Variants in PRLR observed in about 807,000 individuals in gnomAD.
PRLR encodes the protein prolactin receptor, also known as hPRL receptor.
A neutral mutation model predicts 40.2 loss-of-function variants in PRLR; 13 were observed. That is an observed-to-expected ratio of 0.32 (90% CI 0.21 to 0.51). The LOEUF (loss-of-function observed/expected upper bound fraction) is 0.51. Among genes scored for constraint, PRLR ranks in the 20% least tolerant of loss-of-function variants. PRLR has a pLI of 0.97. For missense variants in PRLR, 656 were observed against 747.3 expected (o/e 0.88, Z 1.42); for synonymous variants, 269 against 278.7 (o/e 0.97, Z 0.35).
chr5:35,216,848 T>G (rs538813113), intron 1 of PRLR, among the ~76,000 whole-genome samples: 1 of 152,328 alleles, frequency 6.6e-6, no homozygotes, highest in African/African-American at 2.4e-5. Flanking sequence ...TGTTAGGCAC[T>G]GGGGCAGGGT....
chr5:35,064,217 T>C lies in PRLR; in HGVS notation c.*872A>G, dbSNP rs1769209915. On this transcript the variant is annotated 3_prime_UTR_variant, in exon 10 of 10. Coordinates refer to ENST00000618457, the MANE Select transcript of PRLR (RefSeq NM_000949.7). ...TTAAACTTATGGGTTTATATTAAAG[T>C]AGAATTTGTATGTACAGTAAGGCAG... The C allele has an allele frequency of 6.6e-6, 1 of 152,222 alleles. No homozygotes were observed. Among genetic ancestry groups the C allele is most frequent in the Non-Finnish European group, 1.5e-5 (1 of 68,038 alleles). The allele number at this position is 152,222 out of a possible 1,614,324, so 9.4% of individuals were successfully genotyped here.
At chr5:35,129,819 G>A (rs1250501319) in intron 1 of PRLR, among the ~76,000 whole-genome samples, 5 of 152,030 alleles carry the variant, frequency 3.3e-5, no homozygotes, top group African/African-American at 4.8e-5. Context: ...GTGGGCACAA[G>A]GCATGGATTC....
At chr5:35,216,976 A>C (rs1256020378) in intron 1 of PRLR, among the ~76,000 whole-genome samples, 1 of 152,192 alleles carries the variant, frequency 6.6e-6, no homozygotes, top group African/African-American at 2.4e-5. Context: ...TAATGTCATG[A>C]GTGTAGTAAG....
In PRLR at chr5:35,084,601, C is replaced by T. The variant is rs1256077299; in HGVS notation, c.242G>A (p.Gly81Asp). 3 of 1,610,624 alleles carry T rather than the reference C, an allele frequency of 1.9e-6. No individual in the cohort carries two copies. The highest frequency in any genetic ancestry group is 2.5e-6 in the Non-Finnish European group (3 of 1,178,678). The change falls in exon 5 of 10, where the codon GGT (glycine) becomes GAT (aspartate). Residue 81 changes from glycine (G) to aspartate (D), a missense_variant. Coordinates refer to ENST00000618457, the MANE Select transcript of PRLR (RefSeq NM_000949.7). ...GCCAAAGTGGCAGGAGTTGGGGCCA[C>T]CGGTTATGTAGTCTGGACATTCATG... ...LMHECPDYIT[G>D]GPNSCHFGKQ...
chr5:35,091,048 G>A (rs572310767), intron 2 of PRLR, among the ~76,000 whole-genome samples: 6 of 152,072 alleles, frequency 3.9e-5, no homozygotes, highest in East Asian at 1.9e-4. Flanking sequence ...TCCTGAACTC[G>A]TGATCCACCT....
At chr5:35,205,634 T>A (rs1775996949) in intron 1 of PRLR, among the ~76,000 whole-genome samples, 1 of 152,042 alleles carries the variant, frequency 6.6e-6, no homozygotes, top group Non-Finnish European at 1.5e-5. Context: ...ATCTAGCAAG[T>A]AAGGACTATG....
rs755466887 is a variant in PRLR, at chr5:35,065,829, G to T, written c.1129C>A (p.Pro377Thr). ...PQANPSTFYD[P>T]EVIEKPENPE... The stretch of plus-strand genomic sequence containing the variant: ...TTCTCTGGCTTCTCAATGACCTCAG[G>T]ATCATAGAATGTGGAGGGATTGGCC... Residue 377 changes from proline to threonine, a missense_variant, in exon 10 of 10, where the codon CCT becomes ACT. Transcript: ENST00000618457. 28 of 1,614,016 alleles carry T rather than the reference G, an allele frequency of 1.7e-5. No homozygotes were observed. The highest frequency in any genetic ancestry group is 2.2e-5 in the Non-Finnish European group (26 of 1,180,026).
intron 5 of PRLR, among the ~76,000 whole-genome samples, chr5:35,074,807 A>G (rs984203364): frequency 2.0e-5 from 3 of 152,126 alleles, no homozygotes; most frequent in African/African-American, 7.2e-5. Context: ...AATTAAAAAA[A>G]AAATGAAGGA....
At chr5:35,100,083 C>A (rs1046247446) in intron 2 of PRLR, among the ~76,000 whole-genome samples, 2 of 149,410 alleles carry the variant, frequency 1.3e-5, no homozygotes, top group Non-Finnish European at 3.0e-5. Context: ...GAGGCTGGGG[C>A]AGGAGAATCA....
At chr5:35,114,467 C>T (rs1396561878) in intron 2 of PRLR, among the ~76,000 whole-genome samples, 7 of 152,186 alleles carry the variant, frequency 4.6e-5, no homozygotes, top group Non-Finnish European at 1.0e-4. Context: ...AATGCTCCAC[C>T]ATCATCAGTT....
chr5:35,229,938 C>T (rs996766034), intron 1 of PRLR, among the ~76,000 whole-genome samples: 11 of 152,202 alleles, frequency 7.2e-5, no homozygotes, highest in Admixed American at 1.3e-4. Context: ...CTCAAGGATA[C>T]AGGTGAAGAT....
chr5:35,164,137 A>T (rs1163634129), intron 1 of PRLR, among the ~76,000 whole-genome samples: 1 of 152,204 alleles, frequency 6.6e-6, no homozygotes, highest in East Asian at 1.9e-4. Context: ...GATATAAATA[A>T]CTGTCCACGT....
intron 1 of PRLR, among the ~76,000 whole-genome samples, chr5:35,175,211 G>A (rs534017038): frequency 2.6e-5 from 4 of 152,204 alleles, no homozygotes; most frequent in East Asian, 3.9e-4. Context: ...TTAAATAATG[G>A]GGGCGGGTAT....
chr5:35,076,627 T>C (rs914417568), intron 5 of PRLR, among the ~76,000 whole-genome samples: 2 of 152,194 alleles, frequency 1.3e-5, no homozygotes, highest in African/African-American at 2.4e-5. Context: ...CTCTGCAGGA[T>C]ATTATCCAGG....
At chr5:35,226,965 G>A (rs1308729606) in intron 1 of PRLR, among the ~76,000 whole-genome samples, 1 of 152,176 alleles carries the variant, frequency 6.6e-6, no homozygotes, top group African/African-American at 2.4e-5. Flanking sequence ...AGCACAGGGA[G>A]GTAAAGGTAA....
intron 1 of PRLR, among the ~76,000 whole-genome samples, chr5:35,185,058 C>T (rs1043813059): frequency 5.3e-5 from 8 of 152,228 alleles, no homozygotes; most frequent in African/African-American, 1.4e-4. Context: ...ACTTGTAGGA[C>T]ATTGTGAAGC....
At chr5:35,158,599 G>A (rs1377030475) in intron 1 of PRLR, among the ~76,000 whole-genome samples, 1 of 152,140 alleles carries the variant, frequency 6.6e-6, no homozygotes, top group African/African-American at 2.4e-5. Context: ...GGGTGAATAT[G>A]TGCCCCTTGC....
At chr5:35,103,626 T>C (rs1210977758) in intron 2 of PRLR, among the ~76,000 whole-genome samples, 1 of 152,258 alleles carries the variant, frequency 6.6e-6, no homozygotes, top group African/African-American at 2.4e-5. Context: ...TTTCTTTTTA[T>C]CTGTGTAAAC....
chr5:35,078,931 C>T (rs1770308503), intron 5 of PRLR, among the ~76,000 whole-genome samples: 1 of 152,304 alleles, frequency 6.6e-6, no homozygotes, highest in South Asian at 2.1e-4. Context: ...TGTAATCCAT[C>T]ATAGAAACAG....
Sources: allele counts gnomAD v4.1 joint callset (sites outside exome capture counted in the v4.1 genomes callset), GRCh38; gene constraint gnomAD v4.1.1; transcripts MANE v1.5; gene names NCBI Gene and HGNC (gene_info 2026-07-23, HGNC 2026-07-21).